Variants in EDIL3 observed in about 807,000 individuals in gnomAD.
EDIL3 encodes the protein EGF like and discoidin domains 3, also known as EGF-like repeat and discoidin I-like domain-containing protein 3.
Under a neutral mutation model 67.4 loss-of-function variants are expected in EDIL3, and 37 were observed. The ratio of observed to expected loss-of-function variants is 0.55; its 90% CI spans 0.42 to 0.72. The LOEUF is 0.72. EDIL3 is among the 30% of genes least tolerant of loss of function. The pLI, the probability that EDIL3 is intolerant of heterozygous loss-of-function variation, is 0.00. For missense variants in EDIL3, 527 were observed against 586.3 expected (o/e 0.90, Z 1.04); for synonymous variants, 195 against 196.3 (o/e 0.99, Z 0.05).
intron 1 of EDIL3, among the ~76,000 whole-genome samples, chr5:84,363,866 G>A (rs1747671453): frequency 6.6e-6 from 1 of 152,238 alleles, no homozygotes; most frequent in Non-Finnish European, 1.5e-5. Context: ...GGGGACATCA[G>A]ATATAAATAT....
chr5:84,114,359 A>G (rs1357630029), intron 5 of EDIL3, among the ~76,000 whole-genome samples: 1 of 151,992 alleles, frequency 6.6e-6, no homozygotes, highest in Non-Finnish European at 1.5e-5. Context: ...AGATGGAAAA[A>G]TGGCCAAAAA....
chr5:84,131,200 G>C (rs1223106715), intron 5 of EDIL3, among the ~76,000 whole-genome samples: 2 of 151,708 alleles, frequency 1.3e-5, no homozygotes, highest in African/African-American at 4.8e-5. Context: ...AGGTATTTTA[G>C]GTATTTTACA....
At chr5:84,174,795 C>T (rs1748873703) in intron 4 of EDIL3, among the ~76,000 whole-genome samples, 1 of 152,172 alleles carries the variant, frequency 6.6e-6, no homozygotes, top group African/African-American at 2.4e-5. Flanking sequence ...CTTGGAAGAA[C>T]AATCTTTGCA....
intron 9 of EDIL3, among the ~76,000 whole-genome samples, chr5:84,003,620 A>G (rs1745367815): frequency 1.3e-5 from 2 of 152,184 alleles, no homozygotes; most frequent in African/African-American, 4.8e-5. Flanking sequence ...CCCTTTGCAA[A>G]TGCTAAGGAA....
chr5:84,291,668 A>ATCTATCTATATAGATATATCTATATATC (rs1745919390), intron 1 of EDIL3, among the ~76,000 whole-genome samples: 1 of 147,544 alleles, frequency 6.8e-6, no homozygotes, highest in African/African-American at 2.5e-5. Context: ...ATCTATATAT[A>ATCTATCTATATAGATATATCTATATATC]TATCTATCTA....
chr5:84,042,050 T>A (rs1029079725), intron 9 of EDIL3, among the ~76,000 whole-genome samples: 1 of 152,166 alleles, frequency 6.6e-6, no homozygotes, highest in African/African-American at 2.4e-5. Flanking sequence ...AGAATAGCAA[T>A]AGTAATCATA....
chr5:84,339,218 G>T (rs1747047114), intron 1 of EDIL3, among the ~76,000 whole-genome samples: 1 of 152,040 alleles, frequency 6.6e-6, no homozygotes, highest in African/African-American at 2.4e-5. Context: ...ACTTCTTTGT[G>T]CTCTAGATTA....
chr5:84,118,084 A>G (rs1747703900), intron 5 of EDIL3, among the ~76,000 whole-genome samples: 1 of 152,186 alleles, frequency 6.6e-6, no homozygotes, highest in African/African-American at 2.4e-5. Context: ...TAAATTGCAT[A>G]AAAATACACA....
intron 3 of EDIL3, among the ~76,000 whole-genome samples, chr5:84,202,494 G>A (rs1331845437): frequency 6.6e-6 from 1 of 152,192 alleles, no homozygotes; most frequent in African/African-American, 2.4e-5. Flanking sequence ...TAGGATATCA[G>A]TGAGGAGTAC....
chr5:84,027,481 G>A (rs1297699249), intron 9 of EDIL3, among the ~76,000 whole-genome samples: 1 of 152,196 alleles, frequency 6.6e-6, no homozygotes, highest in Admixed American at 6.5e-5. Context: ...ATCCCTTCTG[G>A]AAGGTATAGC....
chr5:84,213,501 C>T (rs1266398085), intron 3 of EDIL3, among the ~76,000 whole-genome samples: 4 of 152,104 alleles, frequency 2.6e-5, no homozygotes, highest in East Asian at 1.9e-4. Context: ...TTTAATTCTT[C>T]GTTTTTACTA....
chr5:84,179,865 C>A (rs1748984527), intron 4 of EDIL3, among the ~76,000 whole-genome samples: 1 of 152,058 alleles, frequency 6.6e-6, no homozygotes, highest in Non-Finnish European at 1.5e-5. Flanking sequence ...TTTCTTTAAC[C>A]TTCCAAGATA....
intron 1 of EDIL3, among the ~76,000 whole-genome samples, chr5:84,308,037 C>T (rs1746308508): frequency 6.6e-6 from 1 of 151,940 alleles, no homozygotes. Flanking sequence ...TATAATTCTG[C>T]CCAACAGTAT....
intron 3 of EDIL3, among the ~76,000 whole-genome samples, chr5:84,205,879 A>AT (rs1260868048): frequency 6.7e-6 from 1 of 149,480 alleles, no homozygotes; most frequent in Non-Finnish European, 1.5e-5. Flanking sequence ...GGATTCATTA[A>AT]TTTTTTGAAG....
chr5:84,355,235 T>C lies in EDIL3; in HGVS notation c.67+29073A>G, dbSNP rs376385488. Among the ~76,000 whole-genome samples, 5 of 152,046 alleles carry C rather than the reference T, an allele frequency of 3.3e-5. No individual in the cohort carries two copies. In the East Asian group the frequency reaches 5.8e-4, roughly 18 times the overall value. ...TTCACGCTTTATTTCATTAAGTTAA[T>C]CTTCAATCTCTGATATCCTTTCTTC... On this transcript the variant is annotated intron_variant, in intron 1 of 10. Coordinates refer to ENST00000296591, the MANE Select transcript of EDIL3 (RefSeq NM_005711.5).
chr5:84,104,806 T>C (rs921885880), intron 6 of EDIL3, among the ~76,000 whole-genome samples: 31 of 152,064 alleles, frequency 2.0e-4, no homozygotes, highest in African/African-American at 7.5e-4. Flanking sequence ...GGAAGAATGA[T>C]GCATAGTGTT....
At chr5:84,340,503 A>ACTCTCTCTCTCTCT (rs1170972212) in intron 1 of EDIL3, among the ~76,000 whole-genome samples, 36 of 38,660 alleles carry the variant, frequency 9.3e-4, no homozygotes, top group East Asian at 8.2e-3. Context: ...AGGGAAGATT[A>ACTCTCTCTCTCTCT]CTCTCTCTCT....
chr5:84,236,967 G>A (rs1204242190), intron 2 of EDIL3, among the ~76,000 whole-genome samples: 1 of 151,886 alleles, frequency 6.6e-6, no homozygotes, highest in Non-Finnish European at 1.5e-5. Context: ...ATTTAATACA[G>A]GAAAGAGAGA....
chr5:84,315,440 C>T (rs902387145), intron 1 of EDIL3, among the ~76,000 whole-genome samples: 3 of 152,048 alleles, frequency 2.0e-5, no homozygotes, highest in Admixed American at 6.6e-5. Context: ...CTTACAAATC[C>T]AGTGGTTGTT....
Sources: allele counts gnomAD v4.1 joint callset (sites outside exome capture counted in the v4.1 genomes callset), GRCh38; gene constraint gnomAD v4.1.1; transcripts MANE v1.5; gene names NCBI Gene and HGNC (gene_info 2026-07-23, HGNC 2026-07-21).